MMP16: variants seen among roughly 807,000 people sequenced by gnomAD.
MMP16 encodes the protein matrix metalloproteinase-16.
A neutral mutation model predicts 67.8 loss-of-function variants in MMP16; 12 were observed. The observed-to-expected ratio is 0.18, with a 90% CI of 0.11 to 0.29. MMP16 has a LOEUF of 0.29. Among genes scored for constraint, MMP16 ranks in the 10% least tolerant of loss-of-function variants. MMP16 has a pLI of 1.00. For missense variants in MMP16, 475 were observed against 765.7 expected (o/e 0.62, Z 4.48); for synonymous variants, 249 against 255.9 (o/e 0.97, Z 0.26).
At chr8:88,281,008 C>T (rs1810724948) in intron 1 of MMP16, among the ~76,000 whole-genome samples, 1 of 152,138 alleles carries the variant, frequency 6.6e-6, no homozygotes, top group African/African-American at 2.4e-5. Flanking sequence ...CACATGAGAT[C>T]AGGAGAGCAC....
intron 2 of MMP16, among the ~76,000 whole-genome samples, chr8:88,191,347 A>C (rs373276601): frequency 3.3e-4 from 50 of 152,320 alleles, no homozygotes; most frequent in African/African-American, 1.2e-3. Context: ...AGAATGAATT[A>C]GTTAAATCAT....
At chr8:88,311,918 GA>G (rs1447881249) in intron 1 of MMP16, among the ~76,000 whole-genome samples, 1 of 152,112 alleles carries the variant, frequency 6.6e-6, no homozygotes, top group African/African-American at 2.4e-5. Context: ...ATAGACATCA[GA>G]AATAAAAAGA....
chr8:88,050,975 A>G (rs1381659261), intron 8 of MMP16, among the ~76,000 whole-genome samples: 1 of 152,218 alleles, frequency 6.6e-6, no homozygotes, highest in Non-Finnish European at 1.5e-5. Context: ...TGAATTTGTC[A>G]ACATAAATGC....
In MMP16 at chr8:88,034,265, G is replaced by T. The variant is rs978313751; in HGVS notation, c.*7196C>A. On this transcript the variant is annotated 3_prime_UTR_variant, in exon 10 of 10. Coordinates refer to ENST00000286614, the MANE Select transcript of MMP16 (RefSeq NM_005941.5). ...AAAAAAAAAAAAAAAGGCAAGATAG[G>T]AATAGAAAGAAATGCAAATATAGAC... is the stretch of plus-strand genomic sequence containing the variant. 1.3e-5 allele frequency: 2 copies of T among 148,452 alleles called. No individual in the cohort carries two copies. Among genetic ancestry groups the T allele is most frequent in the African/African-American group, 2.5e-5 (1 of 40,454 alleles). The allele number at this position is 148,452 out of a possible 1,614,324, so 9.2% of individuals were successfully genotyped here. A position where few individuals can be genotyped will look rare whatever the true frequency, so the allele number is the denominator to read the frequency against.
chr8:88,283,333 G>A (rs1016647867), intron 1 of MMP16, among the ~76,000 whole-genome samples: 10 of 152,156 alleles, frequency 6.6e-5, no homozygotes, highest in Non-Finnish European at 1.5e-4. Context: ...GAGCATTTGA[G>A]TCAGGCAGAC....
intron 4 of MMP16, among the ~76,000 whole-genome samples, chr8:88,132,447 T>C (rs975594438): frequency 6.6e-6 from 1 of 151,850 alleles, no homozygotes; most frequent in Non-Finnish European, 1.5e-5. Context: ...TTTCAAACTG[T>C]TGGCTGGAGC....
intron 2 of MMP16, among the ~76,000 whole-genome samples, chr8:88,187,652 A>G (rs992207775): frequency 6.6e-6 from 1 of 152,216 alleles, no homozygotes; most frequent in African/African-American, 2.4e-5. Flanking sequence ...AGTAATTTGC[A>G]TGTGAAGTAA....
rs755703448 is a variant in MMP16, at chr8:88,170,768, C to T, written c.405-2795G>A. 7.9e-5 allele frequency among the ~76,000 whole-genome samples: 12 copies of T among 152,112 alleles called. 1 individual carries two copies. The highest frequency in any genetic ancestry group is 6.5e-4 in the Admixed American group (10 of 15,272). ...TTCCAGCCAGAGGGAATGGTGAGAA[C>T]GCCAAACAAACATGGCCAGTTCAAA... On this transcript the variant is annotated intron_variant, in intron 3 of 9. Transcript: ENST00000286614.
At chr8:88,245,642 G>A (rs1198911268) in intron 1 of MMP16, among the ~76,000 whole-genome samples, 1 of 152,136 alleles carries the variant, frequency 6.6e-6, no homozygotes, top group Non-Finnish European at 1.5e-5. Flanking sequence ...AAAATGATAA[G>A]GTCAAGGACC....
intron 1 of MMP16, among the ~76,000 whole-genome samples, chr8:88,289,725 CA>C (rs1297072318): frequency 2.3e-4 from 34 of 147,486 alleles, no homozygotes; most frequent in South Asian, 6.6e-4. Flanking sequence ...CACACACACA[CA>C]CACACCCCAC....
At chr8:88,090,823 G>C (rs1808921093) in intron 6 of MMP16, among the ~76,000 whole-genome samples, 1 of 151,726 alleles carries the variant, frequency 6.6e-6, no homozygotes, top group Admixed American at 6.6e-5. Flanking sequence ...TTGTGGTCTG[G>C]ATATGTCTCA....
At chr8:88,258,076 C>T (rs1159713927) in intron 1 of MMP16, among the ~76,000 whole-genome samples, 8 of 149,982 alleles carry the variant, frequency 5.3e-5, no homozygotes, top group African/African-American at 2.0e-4. Flanking sequence ...GACAGAGTCT[C>T]GCTCTGTCAC....
chr8:88,203,078 G>A (rs939050025), intron 1 of MMP16, among the ~76,000 whole-genome samples: 1 of 148,404 alleles, frequency 6.7e-6, no homozygotes, highest in African/African-American at 2.5e-5. Context: ...GTCCCACTGA[G>A]ATGAAGGTAC....
chr8:88,168,397 G>A (rs1214590537), intron 3 of MMP16, among the ~76,000 whole-genome samples: 1 of 152,034 alleles, frequency 6.6e-6, no homozygotes, highest in Non-Finnish European at 1.5e-5. Flanking sequence ...ATGTCTTTAT[G>A]CTCTTCTTGA....
chr8:88,198,364 T>C (rs1028110476), intron 1 of MMP16, among the ~76,000 whole-genome samples: 3 of 152,230 alleles, frequency 2.0e-5, no homozygotes, highest in Middle Eastern at 3.4e-3. Context: ...AGTAATTCTG[T>C]CCCTGGCATA....
intron 1 of MMP16, among the ~76,000 whole-genome samples, chr8:88,206,455 C>A (rs1208142199): frequency 6.6e-6 from 1 of 152,012 alleles, no homozygotes; most frequent in Non-Finnish European, 1.5e-5. Flanking sequence ...CAGAGATGTG[C>A]CTGTTAGGAA....
chr8:88,098,740 T>C (rs1384387163), intron 6 of MMP16, among the ~76,000 whole-genome samples: 1 of 151,966 alleles, frequency 6.6e-6, no homozygotes, highest in African/African-American at 2.4e-5. Flanking sequence ...GGCTCTCATC[T>C]GACACCTATC....
At chr8:88,143,638 A>G (rs1413228874) in intron 4 of MMP16, among the ~76,000 whole-genome samples, 1 of 152,042 alleles carries the variant, frequency 6.6e-6, no homozygotes, top group African/African-American at 2.4e-5. Flanking sequence ...ATAAGGAGAA[A>G]GTGATTAGGA....
chr8:88,128,121 C>T (rs968756070), intron 4 of MMP16, among the ~76,000 whole-genome samples: 6 of 151,786 alleles, frequency 4.0e-5, no homozygotes, highest in Non-Finnish European at 7.4e-5. Flanking sequence ...CGGAGAACGG[C>T]CTCTGTTTCC....
Sources: gnomAD v4.1 joint callset for allele counts (sites outside exome capture counted in the v4.1 genomes callset) on GRCh38, gnomAD v4.1.1 for gene constraint, MANE v1.5 for transcripts, NCBI Gene and HGNC (gene_info 2026-07-23, HGNC 2026-07-21) for gene names.